The following RELN variants were observed in gnomAD, a reference collection of about 807,000 sequenced individuals.
RELN encodes reelin.
Under a neutral mutation model 427.6 loss-of-function variants are expected in RELN, and 108 were observed. That is an observed-to-expected ratio of 0.25 (90% CI 0.22 to 0.30). The LOEUF (loss-of-function observed/expected upper bound fraction) is 0.30. Ranked by LOEUF, RELN falls within the 10% of genes least tolerant of loss-of-function variation. RELN has a pLI of 1.00. For missense variants in RELN, 3,715 were observed against 4,302.8 expected (o/e 0.86, Z 3.82); for synonymous variants, 1,524 against 1,513.4 (o/e 1.01, Z -0.16).
At chr7:103,597,997 G>T (rs1286766308) in intron 24 of RELN, among the ~76,000 whole-genome samples, 1 of 152,138 alleles carries the variant, frequency 6.6e-6, no homozygotes, top group Non-Finnish European at 1.5e-5. Flanking sequence ...TCAATTAAAA[G>T]TCGGGAAGAA....
At chr7:103,846,452 A>G (rs898101033) in intron 2 of RELN, among the ~76,000 whole-genome samples, 1 of 152,210 alleles carries the variant, frequency 6.6e-6, no homozygotes, top group Non-Finnish European at 1.5e-5. Flanking sequence ...ACTTAAATGT[A>G]AGACCTAAAA....
At chr7:103,958,082 T>A in intron 1 of RELN, among the ~76,000 whole-genome samples, 1 of 152,208 alleles carries the variant, frequency 6.6e-6, no homozygotes, top group East Asian at 1.9e-4. Context: ...ATGGGCAGAA[T>A]AGTATCTACC....
chr7:103,904,889 T>C (rs1170095500), intron 2 of RELN, among the ~76,000 whole-genome samples: 1 of 150,076 alleles, frequency 6.7e-6, no homozygotes, highest in East Asian at 2.0e-4. Context: ...TGGAAAGAGA[T>C]GAAATAAGAA....
At chr7:103,950,639 A>G (rs1398213405) in intron 1 of RELN, among the ~76,000 whole-genome samples, 1 of 152,198 alleles carries the variant, frequency 6.6e-6, no homozygotes, top group African/African-American at 2.4e-5. Flanking sequence ...CTAGTTATCT[A>G]CATGTATTTC....
chr7:103,566,116 G>T, intron 33 of RELN, 108 bp downstream of exon 33: 1 of 941,358 alleles, frequency 1.1e-6, no homozygotes, highest in Non-Finnish European at 1.7e-6. Context: ...CCCTCAGCAT[G>T]GGTAGTTAGG....
intron 4 of RELN, among the ~76,000 whole-genome samples, chr7:103,762,421 C>A (rs1791325512): frequency 6.6e-6 from 1 of 152,204 alleles, no homozygotes; most frequent in Non-Finnish European, 1.5e-5. Context: ...ACTCTAACTA[C>A]AATAGTTAAT....
chr7:103,904,541 T>C (rs1795154070), intron 2 of RELN, among the ~76,000 whole-genome samples: 1 of 152,134 alleles, frequency 6.6e-6, no homozygotes, highest in Non-Finnish European at 1.5e-5. Flanking sequence ...TTACATATCT[T>C]ATCAGGACTA....
chr7:103,980,805 CT>C (rs367920430), intron 1 of RELN, among the ~76,000 whole-genome samples: 1 of 151,910 alleles, frequency 6.6e-6, no homozygotes, highest in Non-Finnish European at 1.5e-5. Flanking sequence ...TTTGAGTTGC[CT>C]TTTTTTTCAG....
At chr7:103,599,930 T>C (rs778169705) in intron 24 of RELN, among the ~76,000 whole-genome samples, 2 of 152,214 alleles carry the variant, frequency 1.3e-5, no homozygotes, top group Admixed American at 6.5e-5. Context: ...AGGGTCGTCC[T>C]CTGTCGCCCA....
chr7:103,478,873 T>TA, intron 63 of RELN, among the ~76,000 whole-genome samples: 1 of 152,302 alleles, frequency 6.6e-6, no homozygotes, highest in South Asian at 2.1e-4. Flanking sequence ...TGTAATATGC[T>TA]CATTTCCGTA....
At chr7:103,882,707 C>T (rs1360581866) in intron 2 of RELN, among the ~76,000 whole-genome samples, 2 of 152,126 alleles carry the variant, frequency 1.3e-5, no homozygotes, top group Non-Finnish European at 2.9e-5. Flanking sequence ...TGGATAAATT[C>T]CTGGACACAT....
intron 16 of RELN, among the ~76,000 whole-genome samples, chr7:103,641,146 A>G (rs1832686662): frequency 6.6e-6 from 1 of 152,160 alleles, no homozygotes; most frequent in Non-Finnish European, 1.5e-5. Flanking sequence ...CGGTTCTGAG[A>G]TACTCAGACT....
chr7:103,756,604 C>G (rs1294709850), intron 4 of RELN, among the ~76,000 whole-genome samples: 1 of 151,990 alleles, frequency 6.6e-6, no homozygotes, highest in Non-Finnish European at 1.5e-5. Context: ...ATTGAAGATC[C>G]AAACCTTTAA....
At chr7:103,976,338 C>T (rs994873555) in intron 1 of RELN, among the ~76,000 whole-genome samples, 2 of 152,094 alleles carry the variant, frequency 1.3e-5, no homozygotes, top group Non-Finnish European at 2.9e-5. Flanking sequence ...GGAGTGGCAT[C>T]GTCTTGGCTT....
chr7:103,705,358 A>T (rs1279587762), intron 8 of RELN, among the ~76,000 whole-genome samples: 1 of 152,190 alleles, frequency 6.6e-6, no homozygotes. Flanking sequence ...AAACAAACAA[A>T]AAAACCTAAA....
At chr7:103,651,566 A>G in intron 15 of RELN, 95 bp downstream of exon 15, 1 of 1,256,194 alleles carries the variant, frequency 8.0e-7, no homozygotes, top group Non-Finnish European at 1.2e-6. Context: ...TTTCTTACCT[A>G]TTATGACAAA....
intron 10 of RELN, among the ~76,000 whole-genome samples, chr7:103,686,736 C>T (rs907769986): frequency 6.6e-6 from 1 of 151,922 alleles, no homozygotes; most frequent in Non-Finnish European, 1.5e-5. Context: ...TATGCTATAC[C>T]CATTATCATA....
At chr7:103,489,947 C>G in intron 59 of RELN, 48 bp from the exon 60 acceptor site, 1 of 1,609,154 alleles carries the variant, frequency 6.2e-7, no homozygotes. Context: ...TTGTTACTTC[C>G]ATGGCTGCAT....
chr7:103,762,779 T>G (rs1791335055), intron 4 of RELN, among the ~76,000 whole-genome samples: 1 of 152,208 alleles, frequency 6.6e-6, no homozygotes, highest in Non-Finnish European at 1.5e-5. Flanking sequence ...CTTTTCACTT[T>G]CCTTTACATA....
Sources: gnomAD v4.1 joint callset for allele counts (sites outside exome capture counted in the v4.1 genomes callset) on GRCh38, gnomAD v4.1.1 for gene constraint, MANE v1.5 for transcripts, NCBI Gene and HGNC (gene_info 2026-07-23, HGNC 2026-07-21) for gene names.